Variants in COL5A2 observed in about 807,000 individuals in gnomAD.
COL5A2 encodes the protein collagen alpha-2(V) chain.
In COL5A2, 23 loss-of-function variants were observed where a neutral mutation model predicts 208.2. The observed-to-expected ratio is 0.11, with a 90% confidence interval of 0.08 to 0.16. The LOEUF (loss-of-function observed/expected upper bound fraction) is 0.16, where lower values mean the gene tolerates loss of function less well. Ranked by LOEUF, COL5A2 falls within the 10% of genes least tolerant of loss-of-function variation. The pLI, the probability that COL5A2 is intolerant of heterozygous loss-of-function variation, is 1.00. For missense variants in COL5A2, 1,590 were observed against 1,956.4 expected (o/e 0.81, Z 3.53); for synonymous variants, 625 against 628.5 (o/e 0.99, Z 0.08).
chr2:189,267,035 G>A, the COL5A2 span, among the ~76,000 whole-genome samples: 2 of 151,862 alleles, frequency 1.3e-5, no homozygotes, highest in East Asian at 1.9e-4. Context: ...AAAGCATTGG[G>A]CTATGAAACC....
chr2:189,060,727 T>C lies in COL5A2; in HGVS notation c.2085+3A>G, dbSNP rs1335861887. On this transcript the variant is annotated splice_donor_region_variant and intron_variant, in intron 31 of 53. Coordinates refer to ENST00000374866, the MANE Select transcript of COL5A2 (RefSeq NM_000393.5). ...TTGCCATTATTATTATTTAAACACTTACTTGATCACCTGGTTTTCCACCTT... is the reference window on the plus strand; with the variant it reads ...TTGCCATTATTATTATTTAAACACTCACTTGATCACCTGGTTTTCCACCTT... 8 of 1,611,900 alleles carry C rather than the reference T, an allele frequency of 5.0e-6. No homozygotes were observed. The East Asian group carries it at 1.8e-4, about 36-fold the overall frequency.
At chr2:189,212,794 G>A (rs1689231899) in intron 1 of COL5A2, among the ~76,000 whole-genome samples, 1 of 150,874 alleles carries the variant, frequency 6.6e-6, no homozygotes, top group Admixed American at 6.6e-5. Context: ...AAGAGGAGGG[G>A]GAAACAAGAG....
At chr2:189,257,419 T>G in the COL5A2 span, among the ~76,000 whole-genome samples, 1 of 152,194 alleles carries the variant, frequency 6.6e-6, no homozygotes, top group Non-Finnish European at 1.5e-5. Context: ...ACTTATTTAA[T>G]TTTAATATTT....
the COL5A2 span, among the ~76,000 whole-genome samples, chr2:189,424,705 G>A: frequency 6.6e-6 from 1 of 152,136 alleles, no homozygotes; most frequent in Non-Finnish European, 1.5e-5. Flanking sequence ...TGTATTCATG[G>A]ACTGAAATAA....
chr2:189,268,879 C>A, the COL5A2 span, among the ~76,000 whole-genome samples: 3 of 152,186 alleles, frequency 2.0e-5, no homozygotes, highest in South Asian at 6.2e-4. Context: ...TTAGATCCAG[C>A]TTTGCTATTC....
intron 13 of COL5A2, among the ~76,000 whole-genome samples, chr2:189,080,431 A>C (rs1269272065): frequency 6.6e-6 from 1 of 152,226 alleles, no homozygotes; most frequent in Non-Finnish European, 1.5e-5. Flanking sequence ...ATCTTAATCA[A>C]AATCTCAACT....
intron 1 of COL5A2, among the ~76,000 whole-genome samples, chr2:189,221,194 C>T (rs555053954): frequency 2.6e-5 from 4 of 152,300 alleles, no homozygotes; most frequent in African/African-American, 9.6e-5. Flanking sequence ...AGGCAATATT[C>T]ATACTCTTAA....
chr2:189,187,535 G>C (rs184003450), intron 1 of COL5A2, among the ~76,000 whole-genome samples: 2 of 152,148 alleles, frequency 1.3e-5, no homozygotes, highest in African/African-American at 4.8e-5. Context: ...GGTAATTGTT[G>C]TAAGTATTAA....
At chr2:189,081,956 T>C (rs1253842935) in intron 12 of COL5A2, among the ~76,000 whole-genome samples, 1 of 152,200 alleles carries the variant, frequency 6.6e-6, no homozygotes, top group Non-Finnish European at 1.5e-5. Context: ...GCCGCCAGTA[T>C]ATTGAGCACC....
chr2:189,053,780 A>C, intron 37 of COL5A2, 115 bp downstream of exon 37: 1 of 952,364 alleles, frequency 1.1e-6, no homozygotes, highest in Non-Finnish European at 1.6e-6. Context: ...AAAACCAGGA[A>C]GTTATACATA....
At chr2:189,418,221 G>C in the COL5A2 span, among the ~76,000 whole-genome samples, 10 of 152,160 alleles carry the variant, frequency 6.6e-5, no homozygotes, top group Admixed American at 3.9e-4. Flanking sequence ...ATAAAAATTT[G>C]TTTTCTCAAA....
intron 1 of COL5A2, among the ~76,000 whole-genome samples, chr2:189,195,244 A>C (rs1159206337): frequency 1.3e-5 from 2 of 152,218 alleles, no homozygotes; most frequent in African/African-American, 2.4e-5. Context: ...ATACCTAGGA[A>C]TACAGCTAAC....
the COL5A2 span, among the ~76,000 whole-genome samples, chr2:189,377,860 T>A: frequency 6.6e-6 from 1 of 152,218 alleles, no homozygotes; most frequent in African/African-American, 2.4e-5. Context: ...TTGTTTCTTC[T>A]TGCGAACCAA....
the COL5A2 span, among the ~76,000 whole-genome samples, chr2:189,293,764 C>T: frequency 2.6e-5 from 4 of 152,120 alleles, no homozygotes; most frequent in South Asian, 2.1e-4. Context: ...CCTTTGGAAC[C>T]GTGAAAACTA....
the COL5A2 span, among the ~76,000 whole-genome samples, chr2:189,409,494 G>A: frequency 4.6e-5 from 7 of 151,888 alleles, no homozygotes; most frequent in Non-Finnish European, 7.4e-5. Context: ...GAAAATTATC[G>A]TTAGTTTGTC....
At chr2:189,374,355 G>A in the COL5A2 span, among the ~76,000 whole-genome samples, 1 of 149,846 alleles carries the variant, frequency 6.7e-6, no homozygotes, top group Non-Finnish European at 1.5e-5. Context: ...AGTTTCTAAA[G>A]TCTCTGTGAC....
chr2:189,222,959 A>T (rs1053106209), intron 1 of COL5A2, among the ~76,000 whole-genome samples: 4 of 152,212 alleles, frequency 2.6e-5, no homozygotes, highest in African/African-American at 7.2e-5. Context: ...TCATTCACCC[A>T]GTGTGAGTGT....
intron 1 of COL5A2, among the ~76,000 whole-genome samples, chr2:189,126,444 T>C (rs1687609495): frequency 6.6e-6 from 1 of 152,108 alleles, no homozygotes; most frequent in South Asian, 2.1e-4. Flanking sequence ...TTTTTTTATT[T>C]CTTTTCATAG....
intron 1 of COL5A2, among the ~76,000 whole-genome samples, chr2:189,134,494 T>G (rs1576548219): frequency 1.3e-5 from 2 of 151,994 alleles, no homozygotes; most frequent in South Asian, 4.1e-4. Context: ...GAGGCTGAGG[T>G]AGGAGAATCG....
Sources: allele counts gnomAD v4.1 joint callset (sites outside exome capture counted in the v4.1 genomes callset), GRCh38; gene constraint gnomAD v4.1.1; transcripts MANE v1.5; gene names NCBI Gene and HGNC (gene_info 2026-07-23, HGNC 2026-07-21).